The following SIGLEC1 variants were observed in gnomAD, a reference collection of about 807,000 sequenced individuals.
The protein encoded by SIGLEC1 is sialic acid binding Ig like lectin 1.
SIGLEC1 carries 132 observed loss-of-function variants against 148.0 expected under a neutral mutation model. The ratio of observed to expected loss-of-function variants is 0.89; its 90% confidence interval spans 0.77 to 1.03. The LOEUF is 1.03. Ranked by LOEUF, SIGLEC1 falls within the 50% of genes least tolerant of loss-of-function variation. The pLI, the probability that SIGLEC1 is intolerant of heterozygous loss-of-function variation, is 0.00. For missense variants in SIGLEC1, 2,253 were observed against 2,271.4 expected, an observed-to-expected ratio of 0.99 and a Z score of 0.16; for synonymous variants, 945 against 969.0, an observed-to-expected ratio of 0.98 and a Z score of 0.46.
chr20:3,703,444 C>T lies in SIGLEC1; in HGVS notation c.981G>A (p.Glu327=). ...PPISLHIFMA[E]VQVSPAGPIL... ...TGGGACCTGCTGGGCTCACCTGGAC[C>T]TCAGCCACTGCAAGGGCAGCATAGG... The change falls in exon 6 of 22, where the codon GAG becomes GAA. Residue 327 remains glutamate (E), a synonymous_variant. Transcript: ENST00000344754. 1 of 1,569,724 alleles carries T rather than the reference C, an allele frequency of 6.4e-7. No individual in the cohort carries two copies. The highest frequency in any genetic ancestry group is 8.7e-7 in the Non-Finnish European group (1 of 1,155,194).
rs755681263 is a variant in SIGLEC1 at position 3,692,080 on chromosome 20, C to T, written c.4153G>A (p.Val1385Met). The change falls in exon 17 of 22, where the codon GTG becomes ATG. Residue 1385 changes from valine (V) to methionine (M), a missense_variant. Coordinates refer to ENST00000344754, the MANE Select transcript of SIGLEC1 (RefSeq NM_023068.4). ...AELALSHDGK[V>M]LATSSGVHSL... is the part of the protein sequence containing the mutation. ...TGGACCCCGCTGCTCGTGGCCAGCACCTTGCCATCATGAGATAGGGCCAGC... is the reference window on the plus strand; with the variant it reads ...TGGACCCCGCTGCTCGTGGCCAGCATCTTGCCATCATGAGATAGGGCCAGC... The T allele has an allele frequency of 1.2e-6, 2 of 1,610,756 alleles. No individual in the cohort carries two copies. Among genetic ancestry groups the T allele is most frequent in the South Asian group, 1.1e-5 (1 of 90,774 alleles).
Position 3,694,896 on chromosome 20 carries a change from G to A in SIGLEC1, c.2711C>T (p.Pro904Leu), listed in dbSNP as rs1444110060. The A allele has an allele frequency of 5.6e-6, 9 of 1,612,818 alleles. No individual in the cohort carries two copies. Among genetic ancestry groups the A allele is most frequent in the Non-Finnish European group, 5.9e-6 (7 of 1,179,884 alleles). The change falls in exon 12 of 22, where the codon CCT (proline) becomes CTT (leucine). Residue 904 changes from proline (P) to leucine (L), a missense_variant. Transcript: ENST00000344754. ...CACAGCCTGGCCCTCTTGGAGCTCAGGTGATGGTGACACCTGGACCCAGGC... is the reference window on the plus strand; with the variant it reads ...CACAGCCTGGCCCTCTTGGAGCTCAAGTGATGGTGACACCTGGACCCAGGC... Reference protein sequence around the residue: ...RGAWVQVSPSPELQEGQAVVL... With the variant: ...RGAWVQVSPSLELQEGQAVVL...
chr20:3,699,470 A>C lies in SIGLEC1; in HGVS notation c.1529-11T>G. The C allele has an allele frequency of 6.2e-7, 1 of 1,602,452 alleles. No individual in the cohort carries two copies. Among genetic ancestry groups the C allele is most frequent in the Non-Finnish European group, 8.5e-7 (1 of 1,175,334 alleles). On this transcript the variant is annotated splice_polypyrimidine_tract_variant and intron_variant, in intron 7 of 21. Transcript: ENST00000344754. The stretch of plus-strand genomic sequence containing the variant: ...TGAGGAGACGGGCGGCTGCGGGGAG[A>C]GGAAGAGGCTGGGAAGGGTCCCTCC...
Position 3,701,435 on chromosome 20 carries a change from G to A in SIGLEC1, c.1435C>T (p.Arg479Ter), listed in dbSNP as rs149299023. ...CCACTGTCAGTTTCCTCCAGGTCTCGGATCTCCAGGCGCAGGGAGTTGGGA... is the reference window on the plus strand; with the variant it reads ...CCACTGTCAGTTTCCTCCAGGTCTCAGATCTCCAGGCGCAGGGAGTTGGGA... ...SGPNSLRLEI[R>*]DLEETDSGEY... The change falls in exon 7 of 22, where the codon CGA becomes TGA. Residue 479 changes from arginine to a stop codon, truncating the protein, a stop_gained. Coordinates refer to ENST00000344754, the MANE Select transcript of SIGLEC1 (RefSeq NM_023068.4). LOFTEE classifies it high-confidence loss of function. The A allele has an allele frequency of 1.7e-5, 28 of 1,614,118 alleles. No homozygotes were observed. The highest frequency in any genetic ancestry group is 1.6e-4 in the Middle Eastern group (1 of 6,062).
chr20:3,688,053 CCCCAA>C lies in SIGLEC1; in HGVS notation c.*502_*506del, dbSNP rs1188481851. The C allele has an allele frequency of 5.8e-6, 1 of 172,586 alleles. No individual in the cohort carries two copies. The highest frequency in any genetic ancestry group is 1.2e-5 in the Non-Finnish European group (1 of 80,032). The allele number at this position is 172,586 out of a possible 1,614,324, so 10.7% of individuals were successfully genotyped here. The stretch of plus-strand genomic sequence containing the variant: ...AAAAGGAAGATAGAAGGATCCTGAG[CCCCAA>C]CATCATAAACCATCGTAACAGCCAG... On this transcript the variant is annotated 3_prime_UTR_variant, in exon 22 of 22. Transcript: ENST00000344754.
chr20:3,691,113 A>G (rs2088755684), intron 18 of SIGLEC1, among the ~76,000 whole-genome samples: 1 of 152,154 alleles, frequency 6.6e-6, no homozygotes, highest in Non-Finnish European at 1.5e-5. Context: ...TTACAGGCAT[A>G]AGCCCCTGCA....
At chr20:3,696,998 C>A in intron 10 of SIGLEC1, 87 bp downstream of exon 10, 1 of 1,554,630 alleles carries the variant, frequency 6.4e-7, no homozygotes, top group Middle Eastern at 2.3e-4. Flanking sequence ...ATGCTCTTTC[C>A]TCCCCAAACC....
Position 3,692,668 on chromosome 20 carries a change from A to T in SIGLEC1, c.3883T>A (p.Tyr1295Asn). The change falls in exon 16 of 22, where the codon TAC (tyrosine) becomes AAC (asparagine). Residue 1295 changes from tyrosine to asparagine, a missense_variant. Coordinates refer to ENST00000344754, the MANE Select transcript of SIGLEC1 (RefSeq NM_023068.4). ...TCCTGCAGCCAACGACCGTTGTGGT[A>T]CCAAGTATAGAGTGTGGGTGCGTGG... ...AAHAPTLYTWYHNGRWLQEGP... is the reference protein window; with the variant it reads ...AAHAPTLYTWNHNGRWLQEGP... The T allele has an allele frequency of 6.2e-7, 1 of 1,613,146 alleles. No homozygotes were observed. The highest frequency in any genetic ancestry group is 1.1e-5 in the South Asian group (1 of 91,090).
intron 4 of SIGLEC1, 69 bp from the exon 5 acceptor site, chr20:3,704,160 GC>G (rs1449162331): frequency 1.9e-5 from 27 of 1,453,310 alleles, no homozygotes; most frequent in East Asian, 4.6e-5. Flanking sequence ...ACTTCTTCTT[GC>G]CCCCCTTTAA....
rs868619482 is a variant in SIGLEC1, at chr20:3,688,637, C to T, written c.5071-18G>A. ...TCAATGAGCTTCCCACAGAGAAAAC[C>T]CTGGTCACAGGAGGCCTCTGGGAGC... is the stretch of plus-strand genomic sequence containing the variant. On this transcript the variant is annotated intron_variant, in intron 21 of 21. Coordinates refer to ENST00000344754, the MANE Select transcript of SIGLEC1 (RefSeq NM_023068.4). 6.3e-7 allele frequency: 1 copy of T among 1,578,666 alleles called. No individual in the cohort carries two copies. The highest frequency in any genetic ancestry group is 8.6e-7 in the Non-Finnish European group (1 of 1,161,582).
At chr20:3,688,984 G>A (rs772303420) in intron 21 of SIGLEC1, 171 bp downstream of exon 21, 19 of 664,440 alleles carry the variant, frequency 2.9e-5, no homozygotes, top group South Asian at 2.5e-4. Context: ...CCTCTGCCCC[G>A]AGCAGAACAG....
chr20:3,691,427 C>T lies in SIGLEC1; in HGVS notation c.4504G>A (p.Ala1502Thr), dbSNP rs550704336. ...TGGTACATCCCAGCTTGAGCACGAG[C>T]CACGTGGGTGAAGGCGAGAGTGGGC... ...PVPTLAFTHV[A>T]RAQAGMYHCL... The change falls in exon 18 of 22, where the codon GCT (alanine) becomes ACT (threonine). Residue 1502 changes from alanine (A) to threonine (T), a missense_variant. By Grantham distance (58) the Ala-to-Thr change is moderately conservative. Coordinates refer to ENST00000344754, the MANE Select transcript of SIGLEC1 (RefSeq NM_023068.4). 6.2e-7 allele frequency: 1 copy of T among 1,613,320 alleles called. No homozygotes were observed. The highest frequency in any genetic ancestry group is 1.3e-5 in the African/African-American group (1 of 75,084).
At position 3,705,906 on chromosome 20, in the gene SIGLEC1, G is replaced by C. The variant is rs749127081; in HGVS notation, c.544C>G (p.Arg182Gly). The part of the protein sequence containing the change: ...RLQWQGQDPA[R>G]SVTFNSQKFE... ...TTCTGGCTGTTGAAGGTGACAGAGC[G>C]AGCAGGGTCCTGGCCTTGCCACTGC... The change falls in exon 4 of 22, where the codon CGC (arginine) becomes GGC (glycine). Residue 182 changes from arginine to glycine, a missense_variant. By Grantham distance (125) the Arg-to-Gly change is moderately radical. Coordinates refer to ENST00000344754, the MANE Select transcript of SIGLEC1 (RefSeq NM_023068.4). The C allele has an allele frequency of 2.5e-6, 4 of 1,614,178 alleles. No homozygotes were observed. Among genetic ancestry groups the C allele is most frequent in the Non-Finnish European group, 3.4e-6 (4 of 1,180,044 alleles).
chr20:3,696,141 A>AACACACACACACACACAC (rs71195853), intron 11 of SIGLEC1, among the ~76,000 whole-genome samples: 2 of 145,096 alleles, frequency 1.4e-5, no homozygotes, highest in African/African-American at 5.1e-5. Flanking sequence ...CACACACACA[A>AACACACACACACACACAC]ACACACACAC....
chr20:3,705,110 C>T (rs979178452), intron 4 of SIGLEC1, among the ~76,000 whole-genome samples: 1 of 152,162 alleles, frequency 6.6e-6, no homozygotes, highest in African/African-American at 2.4e-5. Context: ...AATCCTAGTG[C>T]CTCAGCCTCC....
intron 5 of SIGLEC1, 99 bp from the exon 6 acceptor site, chr20:3,703,550 C>T: frequency 1.4e-6 from 2 of 1,412,834 alleles, no homozygotes; most frequent in Non-Finnish European, 9.5e-7. Context: ...TCAATCTCTG[C>T]ACATCCTACA....
intron 6 of SIGLEC1, 49 bp downstream of exon 6, chr20:3,703,148 C>CT (rs1374444858): frequency 1.3e-5 from 21 of 1,610,298 alleles, no homozygotes; most frequent in Non-Finnish European, 1.8e-5. Context: ...GCTCCACCAT[C>CT]TGGTCCTGCT....
intron 6 of SIGLEC1, among the ~76,000 whole-genome samples, chr20:3,702,728 A>G (rs777240988): frequency 6.6e-6 from 1 of 152,232 alleles, no homozygotes; most frequent in Non-Finnish European, 1.5e-5. Context: ...ATATGTAGGT[A>G]GATACATAAA....
chr20:3,696,888 T>C lies in SIGLEC1; in HGVS notation c.2381A>G (p.Tyr794Cys), dbSNP rs754604206. Residue 794 changes from tyrosine to cysteine, a missense_variant and splice_region_variant, in exon 11 of 22, where the codon TAT becomes TGT. By Grantham distance (194) the Tyr-to-Cys change is radical. Transcript: ENST00000344754. Reference protein sequence around the residue: ...LSTPVLLSVLYPPDRPKLSAL... With the variant: ...LSTPVLLSVLCPPDRPKLSAL... ...TGACAGCTTTGGACGGTCCGGGGGA[T>C]CTGCAGGAACAGAGGGAGCTGAGGC... is the stretch of plus-strand genomic sequence containing the variant. 2.3e-5 allele frequency: 36 copies of C among 1,547,336 alleles called. 1 individual carries two copies. The highest frequency in any genetic ancestry group is 3.0e-5 in the Non-Finnish European group (35 of 1,148,786).
Sources: gnomAD v4.1 joint callset for allele counts (sites outside exome capture counted in the v4.1 genomes callset) on GRCh38, gnomAD v4.1.1 for gene constraint, MANE v1.5 for transcripts, NCBI Gene and HGNC (gene_info 2026-07-23, HGNC 2026-07-21) for gene names.